The following VSIG1 variants were observed in gnomAD, a reference collection of about 807,000 sequenced individuals.
VSIG1 encodes V-set and immunoglobulin domain-containing protein 1.
Under a neutral mutation model 20.1 loss-of-function variants are expected in VSIG1, and 11 were observed. The observed-to-expected ratio is 0.55, with a 90% CI of 0.34 to 0.91. The LOEUF (loss-of-function observed/expected upper bound fraction) is 0.91. Ranked by LOEUF, VSIG1 falls within the 40% of genes least tolerant of loss-of-function variation. The pLI is 0.02. For synonymous variants in VSIG1, 126 were observed against 116.7 expected, an observed-to-expected ratio of 1.08 and a Z score of -0.52; for missense variants, 283 against 298.8, an observed-to-expected ratio of 0.95 and a Z score of 0.39.
At chrX:108,051,171 C>T (rs1602567151) in intron 1 of VSIG1, among the ~76,000 whole-genome samples, 1 of 110,769 alleles carries the variant, frequency 9.0e-6, no homozygotes, top group African/African-American at 3.3e-5. Context: ...CTAGAGATAT[C>T]GAGGTGGGAG....
chrX:108,047,909 T>C (rs866284902), intron 1 of VSIG1, among the ~76,000 whole-genome samples: 3,890 of 51,198 alleles, frequency 0.076, 710 homozygotes, highest in Non-Finnish European at 0.12. Flanking sequence ...TATATACACA[T>C]ATATATATAC....
chrX:108,050,951 G>C (rs187503460), intron 1 of VSIG1, among the ~76,000 whole-genome samples: 1 of 111,005 alleles, frequency 9.0e-6, no homozygotes, highest in African/African-American at 3.3e-5. Context: ...CCACCCAGCA[G>C]AAGAAAGAAA....
At chrX:108,041,479 A>G (rs1406229071), upstream of VSIG1, among the ~76,000 whole-genome samples, 4 of 111,320 alleles carry the variant, frequency 3.6e-5, no homozygotes, top group African/African-American at 1.3e-4. Flanking sequence ...GAATAAAAAT[A>G]CCTTTTTTAA....
intron 1 of VSIG1, among the ~76,000 whole-genome samples, chrX:108,047,931 T>TAC (rs1386251349): frequency 6.0e-5 from 4 of 66,499 alleles, no homozygotes; most frequent in Non-Finnish European, 9.8e-5. Flanking sequence ...CATATATATA[T>TAC]ATACACATAT....
chrX:108,075,364 G>A (rs1180798950), intron 5 of VSIG1, among the ~76,000 whole-genome samples: 3 of 112,137 alleles, frequency 2.7e-5, no homozygotes, highest in African/African-American at 9.7e-5. Flanking sequence ...GTTTTTGTGA[G>A]ACATGTAGTA....
rs778979488 is a variant in VSIG1 at position 108,069,794 on chromosome X, C to T, written c.412+2660C>T. Among the ~76,000 whole-genome samples, 27 of 111,477 alleles carry T rather than the reference C, an allele frequency of 2.4e-4. No individual in the cohort carries two copies. In the South Asian group the frequency reaches 6.4e-3, roughly 26 times the overall value. ...AATTCAGTCTAGTGAAGGAGACAGACGCGTAACATAAAAGCTTTCAGTGGA... is the reference window on the plus strand; with the variant it reads ...AATTCAGTCTAGTGAAGGAGACAGATGCGTAACATAAAAGCTTTCAGTGGA... On this transcript the variant is annotated intron_variant, in intron 3 of 6. Coordinates refer to ENST00000217957, the MANE Select transcript of VSIG1 (RefSeq NM_182607.5).
At chrX:108,063,398 G>C (rs1426733368) in intron 2 of VSIG1, among the ~76,000 whole-genome samples, 2 of 111,490 alleles carry the variant, frequency 1.8e-5, no homozygotes, top group Admixed American at 9.5e-5. Flanking sequence ...TGAGGCCTCG[G>C]TGTCCTTTTT....
At chrX:108,044,580 G>C (rs947600265), upstream of VSIG1, among the ~76,000 whole-genome samples, 5 of 111,736 alleles carry the variant, frequency 4.5e-5, no homozygotes, top group African/African-American at 1.3e-4. Flanking sequence ...CATATCCAGA[G>C]TTTGTTCACA....
At chrX:108,047,764 TTCTCTC>T (rs1178957774) in intron 1 of VSIG1, among the ~76,000 whole-genome samples, 59 of 61,210 alleles carry the variant, frequency 9.6e-4, no homozygotes, top group African/African-American at 2.2e-3. Flanking sequence ...ATACAAGACA[TTCTCTC>T]TCTCTCTCTC....
chrX:108,063,015 C>A (rs1031403780), intron 2 of VSIG1, among the ~76,000 whole-genome samples: 5 of 112,201 alleles, frequency 4.5e-5, no homozygotes, highest in Admixed American at 9.4e-5. Flanking sequence ...AGGAAAAAGT[C>A]TTTTAGGACA....
In VSIG1 at chrX:108,078,133, C is replaced by T. The variant is rs1325673467; in HGVS notation, c.*752C>T. ...GACCACTAAGAAAATAATTCATCAG[C>T]ATTATCTCATAGATTGGAAAATTTT... On this transcript the variant is annotated 3_prime_UTR_variant, in exon 7 of 7. Coordinates refer to ENST00000217957, the MANE Select transcript of VSIG1 (RefSeq NM_182607.5). 8.9e-6 allele frequency: 1 copy of T among 112,125 alleles called. No individual in the cohort carries two copies. Among genetic ancestry groups the T allele is most frequent in the Non-Finnish European group, 1.9e-5 (1 of 53,236 alleles). The allele number at this position is 112,125 out of a possible 1,213,427, so 9.2% of individuals were successfully genotyped here.
chrX:108,072,101 C>T (rs1036799776), intron 3 of VSIG1, among the ~76,000 whole-genome samples: 61 of 109,886 alleles, frequency 5.6e-4, no homozygotes, highest in African/African-American at 1.7e-3. Flanking sequence ...AGACACAATG[C>T]GGAAATTCAT....
At chrX:108,072,916 C>T in intron 4 of VSIG1, 84 bp downstream of exon 4, 1 of 995,406 alleles carries the variant, frequency 1.0e-6, no homozygotes, top group Non-Finnish European at 1.4e-6. Flanking sequence ...GCTGCTTGAC[C>T]TTACAGTTCA....
intron 1 of VSIG1, among the ~76,000 whole-genome samples, chrX:108,052,383 G>C (rs921931768): frequency 8.9e-6 from 1 of 111,748 alleles, no homozygotes; most frequent in Non-Finnish European, 1.9e-5. Flanking sequence ...TGGATCACTT[G>C]AGCTCAGGAT....
intron 1 of VSIG1, among the ~76,000 whole-genome samples, chrX:108,047,857 CACAT>C (rs1276094598): frequency 4.0e-4 from 24 of 60,711 alleles, no homozygotes; most frequent in African/African-American, 1.9e-3. Context: ...TATATATATA[CACAT>C]ATATATATAC....
At chrX:108,037,114 GC>G in the VSIG1 span, among the ~76,000 whole-genome samples, 1 of 111,736 alleles carries the variant, frequency 8.9e-6, no homozygotes, top group South Asian at 3.8e-4. Context: ...TGCAGTTATT[GC>G]CCAAGGGGTT....
intron 5 of VSIG1, 198 bp downstream of exon 5, chrX:108,073,567 T>A: frequency 2.4e-6 from 1 of 412,144 alleles, no homozygotes; most frequent in Non-Finnish European, 3.8e-6. Flanking sequence ...TATGCTGCCC[T>A]AAATCCTTTA....
At position 108,072,770 on chromosome X, in the gene VSIG1, C is replaced by T; in HGVS notation, c.506C>T (p.Ser169Phe). 8 of 1,210,931 alleles carry T rather than the reference C, an allele frequency of 6.6e-6. No homozygotes were observed. Among genetic ancestry groups the T allele is most frequent in the Non-Finnish European group, 8.9e-6 (8 of 895,092 alleles). The part of the protein sequence containing the change: ...LSCLSALGTP[S>F]PVYYWHKLEG... ...TGTCTCTCTGCGCTTGGAACACCTT[C>T]CCCTGTGTACTACTGGCATAAACTT... Residue 169 changes from serine to phenylalanine, a missense_variant, in exon 4 of 7, where the codon TCC becomes TTC. Physicochemically the swap from Ser to Phe is radical, Grantham distance 155. Transcript: ENST00000217957.
chrX:108,048,344 A>T (rs748720686), intron 1 of VSIG1, among the ~76,000 whole-genome samples: 2 of 111,573 alleles, frequency 1.8e-5, no homozygotes, highest in Non-Finnish European at 3.8e-5. Context: ...TACATCTTGG[A>T]TTATTTTTCT....
Sources: allele counts gnomAD v4.1 joint callset (sites outside exome capture counted in the v4.1 genomes callset), GRCh38; gene constraint gnomAD v4.1.1; transcripts MANE v1.5; gene names NCBI Gene and HGNC (gene_info 2026-07-23, HGNC 2026-07-21).